The following DNAH7 variants were observed in gnomAD, a reference collection of about 807,000 sequenced individuals.
DNAH7 encodes axonemal beta dynein heavy chain 7.
In DNAH7, 397 loss-of-function variants were observed where a neutral mutation model predicts 444.6. The ratio of observed to expected loss-of-function variants is 0.89; its 90% CI spans 0.82 to 0.97. The LOEUF is 0.97. DNAH7 is among the 50% of genes least tolerant of loss of function. The pLI, the probability that DNAH7 is intolerant of heterozygous loss-of-function variation, is 0.00. For synonymous variants in DNAH7, 1,636 were observed against 1,624.4 expected (o/e 1.01, Z -0.17); for missense variants, 4,902 against 4,800.8 (o/e 1.02, Z -0.62).
intron 40 of DNAH7, among the ~76,000 whole-genome samples, chr2:195,868,616 T>C (rs1700491879): frequency 6.6e-6 from 1 of 150,590 alleles, no homozygotes; most frequent in East Asian, 1.9e-4. Flanking sequence ...TAACAGTTTA[T>C]ATGATTTGCA....
rs746721119 is a variant in DNAH7, at chr2:195,799,309, A to G, written c.10340T>C (p.Phe3447Ser). 13 of 1,584,196 alleles carry G rather than the reference A, an allele frequency of 8.2e-6. No homozygotes were observed. Among genetic ancestry groups the G allele is most frequent in the Non-Finnish European group, 1.1e-5 (13 of 1,166,254 alleles). Residue 3447 changes from phenylalanine to serine, a missense_variant, in exon 55 of 65, where the codon TTT becomes TCT. Physicochemically the swap from Phe to Ser is radical, Grantham distance 155. Transcript: ENST00000312428. ...GADPMAALLK[F>S]ADDQGYGGSK... ...ATTGTAAGGTACCTGGTCATCAGCA[A>G]ATTTTAGAAGGGCAGCCATGGGATC...
At chr2:195,886,791 T>C (rs552189535) in intron 33 of DNAH7, among the ~76,000 whole-genome samples, 1 of 152,272 alleles carries the variant, frequency 6.6e-6, no homozygotes, top group African/African-American at 2.4e-5. Context: ...ATAAAATAAA[T>C]GAAATAACGT....
intron 63 of DNAH7, among the ~76,000 whole-genome samples, chr2:195,746,214 CAG>C (rs199948828): frequency 0.27 from 41,615 of 151,496 alleles, 5,769 homozygotes; most frequent in Middle Eastern, 0.41. Flanking sequence ...TCTGATAAAA[CAG>C]ACTTTAAACC....
At chr2:195,909,873 C>T (rs1687253040) in intron 25 of DNAH7, among the ~76,000 whole-genome samples, 154 bp downstream of exon 25, 1 of 152,148 alleles carries the variant, frequency 6.6e-6, no homozygotes, top group Non-Finnish European at 1.5e-5. Context: ...TTGCTATAAC[C>T]TTATTTCCTT....
chr2:195,788,200 A>G (rs1695720219), intron 57 of DNAH7, among the ~76,000 whole-genome samples: 1 of 152,160 alleles, frequency 6.6e-6, no homozygotes, highest in Admixed American at 6.5e-5. Flanking sequence ...GCCATCAGGA[A>G]TTTCTGCCTC....
chr2:195,786,084 TA>T (rs1695607463), intron 58 of DNAH7, among the ~76,000 whole-genome samples: 1 of 152,174 alleles, frequency 6.6e-6, no homozygotes, highest in Non-Finnish European at 1.5e-5. Context: ...GAAGCCCAAA[TA>T]AAAGATTCTT....
At chr2:195,919,142 C>T (rs868158292) in intron 24 of DNAH7, among the ~76,000 whole-genome samples, 5 of 150,638 alleles carry the variant, frequency 3.3e-5, no homozygotes, top group South Asian at 2.1e-4. Context: ...CCCAGCTACT[C>T]GGGAGACTGA....
chr2:195,880,999 T>TG (rs944588883), intron 36 of DNAH7, among the ~76,000 whole-genome samples: 12 of 152,108 alleles, frequency 7.9e-5, no homozygotes, highest in African/African-American at 2.9e-4. Context: ...TTTTAGTTTT[T>TG]TTTTTTTTTT....
rs1574447169 is a variant in DNAH7, at chr2:195,794,609, A to C, written c.10516-71T>G. 3.5e-6 allele frequency: 5 copies of C among 1,436,758 alleles called. No individual in the cohort carries two copies. In the East Asian group the frequency reaches 9.2e-5, roughly 26 times the overall value. The allele number at this position is 1,436,758 out of a possible 1,614,324, so 89.0% of individuals were successfully genotyped here. A position where few individuals can be genotyped will look rare whatever the true frequency, so the allele number is the denominator to read the frequency against. On this transcript the variant is annotated intron_variant, in intron 56 of 64. Transcript: ENST00000312428. ...GAAAATCTCAAAAGCATACATATGA[A>C]GGATGAGTTGGAAGGGGGAGGAAGT...
chr2:195,957,919 A>G (rs1221974224), intron 18 of DNAH7, among the ~76,000 whole-genome samples: 1 of 152,202 alleles, frequency 6.6e-6, no homozygotes, highest in Non-Finnish European at 1.5e-5. Context: ...CAGTAAAGGT[A>G]TTCCCAATCA....
At chr2:195,927,020 C>A (rs1688376214) in intron 21 of DNAH7, among the ~76,000 whole-genome samples, 1 of 152,106 alleles carries the variant, frequency 6.6e-6, no homozygotes, top group South Asian at 2.1e-4. Flanking sequence ...GGGCATCACA[C>A]AATCTTTCTC....
At chr2:195,821,931 A>G (rs1403305546) in intron 49 of DNAH7, among the ~76,000 whole-genome samples, 1 of 152,206 alleles carries the variant, frequency 6.6e-6, no homozygotes, top group Non-Finnish European at 1.5e-5. Context: ...AGCTTCTTGC[A>G]AAACCCCTAG....
intron 10 of DNAH7, among the ~76,000 whole-genome samples, chr2:196,010,149 CTCT>C (rs779820807): frequency 3.0e-4 from 46 of 151,058 alleles, no homozygotes; most frequent in Non-Finnish European, 6.0e-4. Context: ...TTCTTTCTCT[CTCT>C]TTTTTTTTTT....
intron 15 of DNAH7, among the ~76,000 whole-genome samples, chr2:195,978,294 C>A (rs1454337959): frequency 1.3e-5 from 2 of 151,914 alleles, no homozygotes; most frequent in East Asian, 1.9e-4. Context: ...TTTCTTTTTT[C>A]TTGCTTATTT....
rs76213152 is a variant in DNAH7 at position 195,953,753 on chromosome 2, T to C, written c.3078+3508A>G. Among the ~76,000 whole-genome samples the C allele has an allele frequency of 2.3e-3, 350 of 152,330 alleles. 2 individuals carry two copies. The highest frequency in any genetic ancestry group is 7.8e-3 in the African/African-American group (326 of 41,586). ...TTGTTTACACTGTAAGCCAGTTATA[T>C]TAACAACAGTATTTACATCCTATTT... is the stretch of plus-strand genomic sequence containing the variant. On this transcript the variant is annotated intron_variant, in intron 19 of 64. Coordinates refer to ENST00000312428, the MANE Select transcript of DNAH7 (RefSeq NM_018897.3).
intron 1 of DNAH7, chr2:196,068,332 G>C (rs1056636586): frequency 3.0e-6 from 1 of 330,180 alleles, no homozygotes. Context: ...ACATGGCTAG[G>C]AGTTGGCTTC....
intron 10 of DNAH7, among the ~76,000 whole-genome samples, chr2:196,002,680 T>C (rs1367068883): frequency 6.6e-6 from 1 of 152,198 alleles, no homozygotes; most frequent in East Asian, 1.9e-4. Context: ...AAGTGTCTAC[T>C]ACATACTAGG....
At chr2:195,952,071 GTTGT>G (rs1690296812) in intron 19 of DNAH7, among the ~76,000 whole-genome samples, 1 of 152,202 alleles carries the variant, frequency 6.6e-6, no homozygotes, top group African/African-American at 2.4e-5. Flanking sequence ...GCTGATGCTA[GTTGT>G]TTCTTTCCAT....
chr2:195,798,151 T>G lies in DNAH7; in HGVS notation c.10353+1145A>C, dbSNP rs541682453. 1.1e-4 allele frequency among the ~76,000 whole-genome samples: 17 copies of G among 152,328 alleles called. 1 individual carries two copies. In the South Asian group the frequency reaches 3.5e-3, roughly 32 times the overall value. On this transcript the variant is annotated intron_variant, in intron 55 of 64. Coordinates refer to ENST00000312428, the MANE Select transcript of DNAH7 (RefSeq NM_018897.3). ...TTTTTTCTATGCCTTATATCAATTT[T>G]TTTTGGCCTAGTAAATTTTTTTTAA...
Sources: gnomAD v4.1 joint callset for allele counts (sites outside exome capture counted in the v4.1 genomes callset) on GRCh38, gnomAD v4.1.1 for gene constraint, MANE v1.5 for transcripts, NCBI Gene and HGNC (gene_info 2026-07-23, HGNC 2026-07-21) for gene names.